The following RYR2 variants were observed in gnomAD, a reference collection of about 807,000 sequenced individuals.
The protein encoded by RYR2 is ryanodine receptor 2, also known as cardiac muscle ryanodine receptor-calcium release channel.
RYR2 carries 227 observed loss-of-function variants against 601.1 expected under a neutral mutation model. The observed-to-expected ratio is 0.38, with a 90% confidence interval of 0.34 to 0.42. The LOEUF is 0.42. RYR2 is among the 10% of genes least tolerant of loss of function. The pLI is 1.00. For missense variants in RYR2, 4,646 were observed against 6,156.5 expected, an observed-to-expected ratio of 0.75 and a Z score of 8.21; for synonymous variants, 2,223 against 2,175.1, an observed-to-expected ratio of 1.02 and a Z score of -0.61.
At chr1:237,047,043 C>T (rs951587600) in intron 1 of RYR2, among the ~76,000 whole-genome samples, 3 of 152,168 alleles carry the variant, frequency 2.0e-5, no homozygotes, top group South Asian at 2.1e-4. Context: ...CCACCCCATG[C>T]CTCTCTGATA....
Position 237,139,395 on chromosome 1 carries a change from G to A in RYR2, c.48+96826G>A, listed in dbSNP as rs1673142061. Among the ~76,000 whole-genome samples, 3 of 152,210 alleles carry A rather than the reference G, an allele frequency of 2.0e-5. 1 individual carries two copies. In the South Asian group the frequency reaches 6.2e-4, roughly 31 times the overall value. ...CTAAAGGCAGTGGGAGGATTGGGTG[G>A]CTAAGGGATGCAGAGTTCCTTTTTT... is the stretch of plus-strand genomic sequence containing the variant. On this transcript the variant is annotated intron_variant, in intron 1 of 104. Coordinates refer to ENST00000366574, the MANE Select transcript of RYR2 (RefSeq NM_001035.3).
intron 29 of RYR2, among the ~76,000 whole-genome samples, chr1:237,586,623 A>G (rs1674556727): frequency 6.6e-6 from 1 of 152,234 alleles, no homozygotes; most frequent in South Asian, 2.1e-4. Context: ...TAACTCTTCT[A>G]CAAAACCTTC....
chr1:237,523,791 T>C (rs1332575447), intron 24 of RYR2, among the ~76,000 whole-genome samples: 1 of 150,120 alleles, frequency 6.7e-6, no homozygotes, highest in Non-Finnish European at 1.5e-5. Flanking sequence ...GATACACAGA[T>C]GGCTAATAAA....
intron 42 of RYR2, among the ~76,000 whole-genome samples, chr1:237,632,188 C>A (rs1680402952): frequency 6.6e-6 from 1 of 151,838 alleles, no homozygotes; most frequent in South Asian, 2.1e-4. Flanking sequence ...ATAAAAATTA[C>A]TCTATGTGTT....
rs1680293439 is a variant in RYR2 at position 237,631,687 on chromosome 1, G to C, written c.6555+146G>C. The C allele has an allele frequency of 9.9e-6, 4 of 404,846 alleles. No individual in the cohort carries two copies. In the Admixed American group the frequency reaches 2.9e-4, roughly 29 times the overall value. The allele number at this position is 404,846 out of a possible 1,614,324, so 25.1% of individuals were successfully genotyped here. On this transcript the variant is annotated intron_variant, in intron 42 of 104. Coordinates refer to ENST00000366574, the MANE Select transcript of RYR2 (RefSeq NM_001035.3). ...TCTGTCGCCCAGGCTGGAGTGCAGT[G>C]CACGATCTCGGCTCACTGCAAGCTC...
chr1:237,596,480 CT>C (rs369381662), intron 34 of RYR2, among the ~76,000 whole-genome samples: 32 of 152,010 alleles, frequency 2.1e-4, no homozygotes, highest in African/African-American at 7.2e-4. Context: ...GAAGACAGGT[CT>C]TTTGAAATAA....
At chr1:237,697,438 T>C (rs1313248341) in intron 63 of RYR2, among the ~76,000 whole-genome samples, 5 of 143,122 alleles carry the variant, frequency 3.5e-5, no homozygotes, top group Admixed American at 1.5e-4. Flanking sequence ...TTATATAATA[T>C]ATATTTATGT....
At chr1:237,770,655 T>C (rs914192711) in intron 84 of RYR2, among the ~76,000 whole-genome samples, 152 bp from the exon 85 acceptor site, 1 of 152,220 alleles carries the variant, frequency 6.6e-6, no homozygotes, top group Non-Finnish European at 1.5e-5. Context: ...CATGATCTTA[T>C]GAGCTTCAGA....
chr1:237,291,413 A>C (rs1692177102), intron 2 of RYR2, among the ~76,000 whole-genome samples: 1 of 152,170 alleles, frequency 6.6e-6, no homozygotes, highest in Non-Finnish European at 1.5e-5. Context: ...TTTACTGTAC[A>C]ATCCAGCAAT....
At chr1:237,361,411 A>G (rs1699773353) in intron 4 of RYR2, among the ~76,000 whole-genome samples, 1 of 152,176 alleles carries the variant, frequency 6.6e-6, no homozygotes, top group South Asian at 2.1e-4. Context: ...TAGCATCTTG[A>G]TACGTGGAGA....
chr1:237,540,911 GTATATA>G (rs61555601), intron 25 of RYR2, among the ~76,000 whole-genome samples: 3,190 of 148,704 alleles, frequency 0.021, 32 homozygotes, highest in Non-Finnish European at 0.025. Flanking sequence ...ATGTGTGTGT[GTATATA>G]TATATATATA....
Position 237,496,672 on chromosome 1 carries a change from G to A in RYR2, c.2123G>A (p.Gly708Glu). The stretch of plus-strand genomic sequence containing the variant: ...ACTGAAGGATATTCTCCCTACCCTG[G>A]AGGGGGCGAAGAGTGGGGTGGAAAT... ...ASTEGYSPYP[G>E]GGEEWGGNGV... The change falls in exon 20 of 105, where the codon GGA becomes GAA. Residue 708 changes from glycine (G) to glutamate (E), a missense_variant. By Grantham distance (98) the Gly-to-Glu change is moderately conservative. Around this residue, in one of 17 missense-constraint regions of RYR2, gnomAD observed 1,807 missense variants for 2,088.1 expected, o/e 0.87. Coordinates refer to ENST00000366574, the MANE Select transcript of RYR2 (RefSeq NM_001035.3). The A allele has an allele frequency of 6.2e-7, 1 of 1,613,988 alleles. No homozygotes were observed. The highest frequency in any genetic ancestry group is 1.6e-4 in the Middle Eastern group (1 of 6,062).
chr1:237,583,967 A>G (rs1674219960), intron 29 of RYR2, among the ~76,000 whole-genome samples: 1 of 152,228 alleles, frequency 6.6e-6, no homozygotes, highest in African/African-American at 2.4e-5. Context: ...CTGTTTTAAC[A>G]GATTTGCAAA....
At position 237,511,850 on chromosome 1, in the gene RYR2, A is replaced by AAAG. The variant is rs1665944097; in HGVS notation, c.2822+61_2822+62insGAA. The AAAG allele has an allele frequency of 4.0e-4, 349 of 881,300 alleles. 1 individual carries two copies. The highest frequency in any genetic ancestry group is 1.0e-3 in the Middle Eastern group (3 of 2,940). The allele number at this position is 881,300 out of a possible 1,614,324, so 54.6% of individuals were successfully genotyped here. ...GCCTTCCCTGAAAAAAAAAAAAAAA[A>AAAG]AAAAAAAAACAGGTATTGATGCTAT... On this transcript the variant is annotated intron_variant, in intron 24 of 104. Transcript: ENST00000366574.
intron 99 of RYR2, 55 bp from the exon 100 acceptor site, chr1:237,808,846 G>A: frequency 1.3e-6 from 2 of 1,586,406 alleles, no homozygotes; most frequent in Non-Finnish European, 1.7e-6. Context: ...GATGTCACGT[G>A]TCAATTGTAT....
At chr1:237,663,833 G>A (rs949318184) in intron 56 of RYR2, among the ~76,000 whole-genome samples, 2 of 152,126 alleles carry the variant, frequency 1.3e-5, no homozygotes, top group Non-Finnish European at 1.5e-5. Context: ...GAAATTTACT[G>A]TCCACTTAGG....
chr1:237,227,523 G>A (rs993323423), intron 1 of RYR2, among the ~76,000 whole-genome samples: 2 of 152,108 alleles, frequency 1.3e-5, no homozygotes, highest in African/African-American at 4.8e-5. Flanking sequence ...TAACATCTAT[G>A]AGAAAAAAAT....
intron 1 of RYR2, among the ~76,000 whole-genome samples, chr1:237,214,047 G>C (rs958444791): frequency 2.0e-5 from 3 of 149,528 alleles, no homozygotes; most frequent in African/African-American, 7.4e-5. Flanking sequence ...CAGTCTCCCA[G>C]GTAGCTGGGA....
chr1:237,564,705 A>G (rs1437003206), intron 27 of RYR2, among the ~76,000 whole-genome samples: 2 of 152,244 alleles, frequency 1.3e-5, no homozygotes, highest in Non-Finnish European at 2.9e-5. Flanking sequence ...ATGAGAATTT[A>G]CCCTTAACCA....
Sources: allele counts gnomAD v4.1 joint callset (sites outside exome capture counted in the v4.1 genomes callset), GRCh38; gene constraint gnomAD v4.1.1; regional missense constraint gnomAD v4.1.1; transcripts MANE v1.5; gene names NCBI Gene and HGNC (gene_info 2026-07-23, HGNC 2026-07-21).